Variants in TEX36 observed in about 807,000 individuals in gnomAD.
The protein encoded by TEX36 is testis-expressed protein 36.
Under a neutral mutation model 13.6 loss-of-function variants are expected in TEX36, and 12 were observed. That is an observed-to-expected ratio of 0.88 (90% CI 0.56 to 1.43). The LOEUF (loss-of-function observed/expected upper bound fraction) is 1.43. Ranked by LOEUF, TEX36 falls within the 40% of genes most tolerant of loss-of-function variation. TEX36 has a pLI of 0.00. For missense variants in TEX36, 224 were observed against 228.3 expected, an observed-to-expected ratio of 0.98 and a Z score of 0.12; for synonymous variants, 93 against 83.0, an observed-to-expected ratio of 1.12 and a Z score of -0.65.
At chr10:125,629,969 C>T (rs1846532569) in intron 3 of TEX36, among the ~76,000 whole-genome samples, 1 of 152,098 alleles carries the variant, frequency 6.6e-6, no homozygotes, top group Non-Finnish European at 1.5e-5. Context: ...TTGTGGTATG[C>T]ATCTGTATGA....
intron 3 of TEX36, among the ~76,000 whole-genome samples, chr10:125,600,028 C>A (rs1211504799): frequency 9.9e-5 from 15 of 152,178 alleles, no homozygotes; most frequent in Non-Finnish European, 2.9e-5. Flanking sequence ...TCTGATTCAG[C>A]CCTAACGTCT....
intron 1 of TEX36, chr10:125,667,805 G>A: frequency 8.8e-7 from 1 of 1,140,210 alleles, no homozygotes; most frequent in Non-Finnish European, 1.3e-6. Context: ...GGTGTTCTCG[G>A]CGTTAAGGGA....
rs575865963 is a variant in TEX36 at position 125,682,621 on chromosome 10, A to G, written c.51+318T>C. ...TCTAGCAAGGGGAGAAAAATAACAT[A>G]GATAAGAGAATAAGTTCTGTAGTAT... On this transcript the variant is annotated intron_variant, in intron 1 of 3. Transcript: ENST00000368821. 2.6e-5 allele frequency among the ~76,000 whole-genome samples: 4 copies of G among 152,348 alleles called. No individual in the cohort carries two copies. In the South Asian group the frequency reaches 8.3e-4, roughly 32 times the overall value.
chr10:125,678,817 G>T (rs1284374308), intron 1 of TEX36, among the ~76,000 whole-genome samples: 1 of 152,068 alleles, frequency 6.6e-6, no homozygotes, highest in African/African-American at 2.4e-5. Flanking sequence ...GCTCAAGGAC[G>T]TGAGGCTCTG....
chr10:125,645,486 CA>C (rs1193484044), intron 3 of TEX36, among the ~76,000 whole-genome samples: 3 of 152,146 alleles, frequency 2.0e-5, no homozygotes, highest in Non-Finnish European at 4.4e-5. Flanking sequence ...GGGGACTCTT[CA>C]GAGAGTCCTC....
chr10:125,642,154 A>G (rs1846702066), intron 3 of TEX36, among the ~76,000 whole-genome samples: 1 of 152,228 alleles, frequency 6.6e-6, no homozygotes, highest in Non-Finnish European at 1.5e-5. Context: ...AGAAGGCTCC[A>G]CAAGTGAGGA....
chr10:125,623,075 G>A (rs1054882855), intron 3 of TEX36, among the ~76,000 whole-genome samples: 10 of 152,158 alleles, frequency 6.6e-5, no homozygotes, highest in African/African-American at 2.4e-4. Flanking sequence ...GTGAATCTTG[G>A]CTATGGGAGA....
chr10:125,644,715 G>A (rs1280452397), intron 3 of TEX36, among the ~76,000 whole-genome samples: 1 of 152,192 alleles, frequency 6.6e-6, no homozygotes, highest in East Asian at 1.9e-4. Flanking sequence ...GGCAGAACCT[G>A]TGAATATGAT....
downstream of TEX36, among the ~76,000 whole-genome samples, chr10:125,621,248 G>C (rs1415122934): frequency 2.0e-5 from 3 of 152,076 alleles, no homozygotes; most frequent in Admixed American, 2.0e-4. Flanking sequence ...GTGGTAATTC[G>C]ATTTTTCGTT....
intron 3 of TEX36, among the ~76,000 whole-genome samples, chr10:125,632,295 A>G (rs1846566838): frequency 6.6e-6 from 1 of 152,116 alleles, no homozygotes; most frequent in South Asian, 2.1e-4. Context: ...AGTCCAGCAG[A>G]AACCAACCCT....
chr10:125,598,494 T>A (rs1846108010), intron 3 of TEX36, among the ~76,000 whole-genome samples: 1 of 152,144 alleles, frequency 6.6e-6, no homozygotes, highest in Admixed American at 6.5e-5. Flanking sequence ...GGAAAAATTG[T>A]CCTTTAGGAC....
At chr10:125,682,703 T>C (rs919288244) in intron 1 of TEX36, among the ~76,000 whole-genome samples, 1 of 152,240 alleles carries the variant, frequency 6.6e-6, no homozygotes, top group Non-Finnish European at 1.5e-5. Flanking sequence ...GACTGCTTAG[T>C]GGACATTCAC....
rs535491154 is a variant in TEX36 at position 125,666,676 on chromosome 10, C to T, written c.52-4699G>A. 1.2e-3 allele frequency among the ~76,000 whole-genome samples: 180 copies of T among 152,264 alleles called. 1 individual carries two copies. Among genetic ancestry groups the T allele is most frequent in the African/African-American group, 4.1e-3 (171 of 41,548 alleles). On this transcript the variant is annotated intron_variant, in intron 1 of 3. Transcript: ENST00000368821. Reference sequence around the variant, plus strand: ...TAGTTCTCTCCCCGCCCCCCCTCCTCCAACCTTGAATAGCTGTTTATTGGC... The same window carrying T: ...TAGTTCTCTCCCCGCCCCCCCTCCTTCAACCTTGAATAGCTGTTTATTGGC...
chr10:125,681,736 G>A (rs7085846), intron 1 of TEX36, among the ~76,000 whole-genome samples: 44,886 of 152,122 alleles, frequency 0.3, 9,662 homozygotes, highest in African/African-American at 0.58. Context: ...GTGTATACAC[G>A]TATATGTACA....
intron 3 of TEX36, among the ~76,000 whole-genome samples, chr10:125,596,875 G>T (rs1165686636): frequency 6.6e-6 from 1 of 152,156 alleles, no homozygotes; most frequent in Non-Finnish European, 1.5e-5. Context: ...ATTCCTGGCT[G>T]GGAATCTGGA....
At chr10:125,660,874 A>T in intron 3 of TEX36, 147 bp downstream of exon 3, 4 of 601,988 alleles carry the variant, frequency 6.6e-6, no homozygotes, top group Admixed American at 3.0e-5. Flanking sequence ...TTTTTTTTTA[A>T]TCTGTTATGA....
At chr10:125,619,625 G>A (rs1034232138), downstream of TEX36, among the ~76,000 whole-genome samples, 5 of 152,068 alleles carry the variant, frequency 3.3e-5, no homozygotes, top group Middle Eastern at 3.4e-3. Context: ...GTCTTGGCTC[G>A]CTGCAACCTC....
At chr10:125,649,179 G>A (rs150483906) in intron 3 of TEX36, among the ~76,000 whole-genome samples, 2,673 of 152,262 alleles carry the variant, frequency 0.018, 93 homozygotes, top group African/African-American at 0.062. Flanking sequence ...TCCTCGAGAA[G>A]TGCAACTCCA....
intron 1 of TEX36, chr10:125,667,076 G>C (rs1461576556): frequency 4.1e-6 from 5 of 1,226,860 alleles, no homozygotes; most frequent in Non-Finnish European, 4.7e-6. Context: ...GAAGGTCACA[G>C]GGAGCACTTG....
Sources: gnomAD v4.1 joint callset for allele counts (sites outside exome capture counted in the v4.1 genomes callset) on GRCh38, gnomAD v4.1.1 for gene constraint, MANE v1.5 for transcripts, NCBI Gene and HGNC (gene_info 2026-07-23, HGNC 2026-07-21) for gene names.